The following SIPA1L2 variants were observed in gnomAD, a reference collection of about 807,000 sequenced individuals.
SIPA1L2 encodes the protein signal induced proliferation associated 1 like 2.
Under a neutral mutation model 163.9 loss-of-function variants are expected in SIPA1L2, and 56 were observed. The observed-to-expected ratio is 0.34, with a 90% CI of 0.28 to 0.43. SIPA1L2 has a LOEUF of 0.43. Among genes scored for constraint, SIPA1L2 ranks in the 20% least tolerant of loss-of-function variants. SIPA1L2 has a pLI of 1.00. For synonymous variants in SIPA1L2, 877 were observed against 865.7 expected, an observed-to-expected ratio of 1.01 and a Z score of -0.23; for missense variants, 1,974 against 2,193.5, an observed-to-expected ratio of 0.90 and a Z score of 2.00.
chr1:232,421,270 G>A (rs1661559463), intron 18 of SIPA1L2, among the ~76,000 whole-genome samples: 1 of 152,160 alleles, frequency 6.6e-6, no homozygotes, highest in African/African-American at 2.4e-5. Flanking sequence ...CTGAAAGGGG[G>A]GTAGTATCAG....
chr1:232,564,535 G>A (rs1659287820), intron 2 of SIPA1L2, among the ~76,000 whole-genome samples: 1 of 151,802 alleles, frequency 6.6e-6, no homozygotes, highest in Non-Finnish European at 1.5e-5. Context: ...GAGCACTCCT[G>A]GACAGAATGA....
At chr1:232,571,390 G>A (rs1659721204) in intron 2 of SIPA1L2, among the ~76,000 whole-genome samples, 1 of 152,216 alleles carries the variant, frequency 6.6e-6, no homozygotes, top group African/African-American at 2.4e-5. Flanking sequence ...AAGTGTGCAT[G>A]TGGGTTTCTG....
chr1:232,469,016 G>A (rs1050266037), intron 8 of SIPA1L2, among the ~76,000 whole-genome samples: 1 of 152,158 alleles, frequency 6.6e-6, no homozygotes, highest in African/African-American at 2.4e-5. Context: ...CTGCGCTCAT[G>A]GGGGAGGCCT....
chr1:232,567,846 C>T (rs1659493440), intron 2 of SIPA1L2, among the ~76,000 whole-genome samples: 2 of 152,214 alleles, frequency 1.3e-5, no homozygotes, highest in East Asian at 1.9e-4. Flanking sequence ...CCCCATCCCA[C>T]AGCCTCCAGG....
intron 3 of SIPA1L2, among the ~76,000 whole-genome samples, chr1:232,502,801 T>C (rs6694142): frequency 0.4 from 60,158 of 152,152 alleles, 13,280 homozygotes; most frequent in East Asian, 0.85. Flanking sequence ...TGGATGTGTT[T>C]CCAAAGAAAT....
intron 20 of SIPA1L2, 128 bp from the exon 21 acceptor site, chr1:232,403,699 G>A (rs1660481343): frequency 7.9e-7 from 1 of 1,272,108 alleles, no homozygotes; most frequent in East Asian, 2.5e-5. Flanking sequence ...CCTTGTTTTG[G>A]AGCAAAACAA....
chr1:232,581,804 C>A (rs1660392150), intron 1 of SIPA1L2, among the ~76,000 whole-genome samples: 1 of 152,250 alleles, frequency 6.6e-6, no homozygotes, highest in African/African-American at 2.4e-5. Context: ...TCTATCAAGA[C>A]GTCCCCTTAC....
intron 2 of SIPA1L2, among the ~76,000 whole-genome samples, chr1:232,568,184 C>A (rs935624838): frequency 1.3e-5 from 2 of 152,210 alleles, no homozygotes; most frequent in Admixed American, 1.3e-4. Context: ...GTTGTGGAAA[C>A]CCCAATCTAG....
intron 2 of SIPA1L2, among the ~76,000 whole-genome samples, chr1:232,556,681 T>G (rs1223379167): frequency 1.3e-5 from 2 of 152,004 alleles, no homozygotes; most frequent in Non-Finnish European, 2.9e-5. Context: ...TCTTTGAACT[T>G]TGCTTTGTAA....
chr1:232,619,736 A>C (rs1169438398), intron 1 of SIPA1L2, among the ~76,000 whole-genome samples: 2 of 152,352 alleles, frequency 1.3e-5, no homozygotes, highest in African/African-American at 4.8e-5. Context: ...AAAGACTTCA[A>C]GATGGCATGG....
At chr1:232,495,972 A>G (rs1421212145) in intron 3 of SIPA1L2, among the ~76,000 whole-genome samples, 2 of 152,256 alleles carry the variant, frequency 1.3e-5, no homozygotes, top group Non-Finnish European at 2.9e-5. Context: ...AAATAAAGTT[A>G]TAAAGTAGAA....
intron 15 of SIPA1L2, among the ~76,000 whole-genome samples, chr1:232,438,585 A>G (rs1662700479): frequency 6.6e-6 from 1 of 152,250 alleles, no homozygotes; most frequent in Non-Finnish European, 1.5e-5. Context: ...GCTAGTCTTT[A>G]CTGAATGAAC....
At chr1:232,480,158 T>TGTGC (rs1665263046) in intron 6 of SIPA1L2, among the ~76,000 whole-genome samples, 1 of 115,784 alleles carries the variant, frequency 8.6e-6, no homozygotes, top group Non-Finnish European at 1.8e-5. Flanking sequence ...TGTGTGCGTG[T>TGTGC]GTGTGTGTGT....
intron 19 of SIPA1L2, 61 bp downstream of exon 19, chr1:232,415,433 A>G: frequency 6.6e-7 from 1 of 1,526,262 alleles, no homozygotes; most frequent in Admixed American, 2.3e-5. Flanking sequence ...GATGCCGCAC[A>G]GGCCCTGCAG....
Position 232,514,474 on chromosome 1 carries a change from G to A in SIPA1L2, c.866C>T (p.Thr289Ile). 6.2e-7 allele frequency: 1 copy of A among 1,614,220 alleles called. No homozygotes were observed. Residue 289 changes from threonine to isoleucine, a missense_variant, in exon 3 of 23, where the codon ACA (threonine) becomes ATA (isoleucine). This residue lies in a region of SIPA1L2 where 607 missense variants were observed against 624.0 expected (regional missense o/e 0.97). Coordinates refer to ENST00000674635, the MANE Select transcript of SIPA1L2 (RefSeq NM_020808.5). ...KRRLKSESVE[T>I]SLFRKLRTVK... The stretch of plus-strand genomic sequence containing the variant: ...AGTTCGAAGCTTTCGGAAGAGAGAT[G>A]TTTCCACCGACTCTGATTTCAACCT...
intron 15 of SIPA1L2, among the ~76,000 whole-genome samples, chr1:232,433,237 G>A (rs1662355305): frequency 6.6e-6 from 1 of 152,208 alleles, no homozygotes; most frequent in African/African-American, 2.4e-5. Flanking sequence ...TGAGGCTACA[G>A]ACGACTTGGG....
chr1:232,560,700 G>A (rs1658983258), intron 2 of SIPA1L2, among the ~76,000 whole-genome samples: 1 of 151,838 alleles, frequency 6.6e-6, no homozygotes, highest in Admixed American at 6.6e-5. Flanking sequence ...CCAAAGCCCT[G>A]GGCCATGTAC....
chr1:232,539,515 C>A (rs1176056781), intron 2 of SIPA1L2, among the ~76,000 whole-genome samples: 1 of 152,212 alleles, frequency 6.6e-6, no homozygotes, highest in African/African-American at 2.4e-5. Context: ...CAATTCTGCA[C>A]TCCCCCGAGT....
chr1:232,572,772 T>C (rs866338424), intron 2 of SIPA1L2, among the ~76,000 whole-genome samples: 4 of 70,488 alleles, frequency 5.7e-5, no homozygotes, highest in East Asian at 1.2e-3. Context: ...TATATATATA[T>C]ATATATATTT....
Sources: allele counts gnomAD v4.1 joint callset (sites outside exome capture counted in the v4.1 genomes callset), GRCh38; gene constraint gnomAD v4.1.1; regional missense constraint gnomAD v4.1.1; transcripts MANE v1.5; gene names NCBI Gene and HGNC (gene_info 2026-07-23, HGNC 2026-07-21).